UMAD1: variants seen among roughly 807,000 people sequenced by gnomAD.
The protein encoded by UMAD1 is UBAP1-MVB12-associated (UMA)-domain containing protein 1.
Under a neutral mutation model 6.1 loss-of-function variants are expected in UMAD1, and 8 were observed. The observed-to-expected ratio is 1.30, with a 90% CI of 0.76 to 2.35. UMAD1 has a LOEUF of 2.35. Ranked by LOEUF, UMAD1 falls within the 30% of genes most tolerant of loss-of-function variation. The pLI is 0.00. For synonymous variants in UMAD1, 56 were observed against 31.4 expected (o/e 1.78, Z -2.61); for missense variants, 130 against 78.4 (o/e 1.66, Z -2.49).
At chr7:7,808,341 T>G (rs1782957955) in intron 3 of UMAD1, among the ~76,000 whole-genome samples, 1 of 152,012 alleles carries the variant, frequency 6.6e-6, no homozygotes, top group Non-Finnish European at 1.5e-5. Context: ...GGCCCAGTTT[T>G]GAGTTTTTGC....
intron 2 of UMAD1, among the ~76,000 whole-genome samples, chr7:7,688,440 T>G (rs144315932): frequency 2.0e-5 from 3 of 152,182 alleles, no homozygotes; most frequent in Admixed American, 1.3e-4. Context: ...GTTTGCCTTT[T>G]CACTGATTAT....
In UMAD1 at chr7:7,656,978, T is replaced by C. The variant is rs548924142; in HGVS notation, c.-64+16157T>C. On this transcript the variant is annotated intron_variant, in intron 1 of 3. Coordinates refer to ENST00000682710, the MANE Select transcript of UMAD1 (RefSeq NM_001302348.2). ...TTCTACACATCCTCTCCAGCATCTG[T>C]TGTTTCCTGACTTTTTAATGATCAC... is the stretch of plus-strand genomic sequence containing the variant. Among the ~76,000 whole-genome samples the C allele has an allele frequency of 2.0e-5, 3 of 152,332 alleles. No individual in the cohort carries two copies. The South Asian group carries it at 6.2e-4, about 32-fold the overall frequency.
chr7:7,731,213 G>T (rs1040932835), intron 2 of UMAD1, among the ~76,000 whole-genome samples: 3 of 152,132 alleles, frequency 2.0e-5, no homozygotes, highest in African/African-American at 7.2e-5. Flanking sequence ...TGTTGGCCAG[G>T]ATGGTTTTGA....
chr7:7,646,577 C>A (rs534643332), intron 1 of UMAD1, among the ~76,000 whole-genome samples: 1 of 149,562 alleles, frequency 6.7e-6, no homozygotes, highest in African/African-American at 2.5e-5. Context: ...TCCCCAGCCA[C>A]GTGGAACTGT....
intron 1 of UMAD1, among the ~76,000 whole-genome samples, chr7:7,669,914 A>G (rs527857089): frequency 1.4e-4 from 21 of 152,306 alleles, no homozygotes; most frequent in Admixed American, 8.5e-4. Flanking sequence ...TTTGGAGCCT[A>G]AATTATCCCT....
chr7:7,825,870 C>A (rs370647814), intron 3 of UMAD1, among the ~76,000 whole-genome samples: 1 of 152,086 alleles, frequency 6.6e-6, no homozygotes, highest in African/African-American at 2.4e-5. Context: ...TCTGCAGATA[C>A]TAAAATCTGA....
At chr7:7,707,017 C>G (rs998522238) in intron 2 of UMAD1, among the ~76,000 whole-genome samples, 4 of 152,088 alleles carry the variant, frequency 2.6e-5, no homozygotes, top group Non-Finnish European at 5.9e-5. Context: ...TAGTCAGTCT[C>G]TAGAAACAGA....
At position 7,743,856 on chromosome 7, in the gene UMAD1, C is replaced by T. The variant is rs577966336; in HGVS notation, c.83-57814C>T. Among the ~76,000 whole-genome samples the T allele has an allele frequency of 1.9e-3, 284 of 151,944 alleles. 1 individual carries two copies. Among genetic ancestry groups the T allele is most frequent in the South Asian group, 6.0e-3 (29 of 4,816 alleles). On this transcript the variant is annotated intron_variant, in intron 2 of 3. Transcript: ENST00000682710. Reference sequence around the variant, plus strand: ...ATTTATGATGTTGTGAAACCATCACCACTGTCTATTTCTAAAGCTTTTCCA... The same window carrying T: ...ATTTATGATGTTGTGAAACCATCACTACTGTCTATTTCTAAAGCTTTTCCA...
intron 1 of UMAD1, among the ~76,000 whole-genome samples, chr7:7,664,674 G>C (rs1412968914): frequency 6.6e-6 from 1 of 152,080 alleles, no homozygotes; most frequent in Non-Finnish European, 1.5e-5. Context: ...TTAAACTCAA[G>C]GCTACCTAGT....
At chr7:7,776,176 T>G (rs1266929326) in intron 2 of UMAD1, among the ~76,000 whole-genome samples, 2 of 152,020 alleles carry the variant, frequency 1.3e-5, no homozygotes, top group African/African-American at 4.8e-5. Context: ...ACAAGACATA[T>G]GGAACCAGGC....
At chr7:7,836,052 T>C (rs1457548942) in intron 3 of UMAD1, among the ~76,000 whole-genome samples, 1 of 152,080 alleles carries the variant, frequency 6.6e-6, no homozygotes, top group Non-Finnish European at 1.5e-5. Context: ...TTTTATGGTC[T>C]TTATTAATAT....
intron 3 of UMAD1, among the ~76,000 whole-genome samples, chr7:7,825,152 AG>A (rs1396499004): frequency 2.0e-5 from 3 of 152,058 alleles, no homozygotes; most frequent in Non-Finnish European, 4.4e-5. Flanking sequence ...AGGTGGGCGC[AG>A]GGGGGAGTGT....
intron 2 of UMAD1, chr7:7,692,461 C>G (rs1169554911): frequency 6.6e-6 from 1 of 152,170 alleles, no homozygotes; most frequent in African/African-American, 2.4e-5. Flanking sequence ...CCACCTGCCT[C>G]TAAGCTGGTG....
At chr7:7,641,276 G>C (rs1269372337) in intron 1 of UMAD1, 1 of 152,162 alleles carries the variant, frequency 6.6e-6, no homozygotes, top group Non-Finnish European at 1.5e-5. Context: ...TAACCCCTCC[G>C]TGTTGGCAGC....
chr7:7,671,654 G>A (rs1465560592), intron 1 of UMAD1, among the ~76,000 whole-genome samples: 1 of 151,946 alleles, frequency 6.6e-6, no homozygotes, highest in African/African-American at 2.4e-5. Flanking sequence ...CCTTGTGGGG[G>A]TTTCCCTTTA....
intron 2 of UMAD1, among the ~76,000 whole-genome samples, chr7:7,783,377 G>A (rs978403376): frequency 1.3e-5 from 2 of 151,518 alleles, no homozygotes; most frequent in Non-Finnish European, 2.9e-5. Context: ...CCTATCTTTT[G>A]TAGAATAGAA....
intron 2 of UMAD1, among the ~76,000 whole-genome samples, chr7:7,675,915 C>G (rs1378258592): frequency 6.6e-6 from 1 of 152,186 alleles, no homozygotes; most frequent in Admixed American, 6.5e-5. Context: ...TCTGTTTAGC[C>G]TCATTTCCCC....
At chr7:7,761,900 C>T (rs1388172807) in intron 2 of UMAD1, among the ~76,000 whole-genome samples, 1 of 152,182 alleles carries the variant, frequency 6.6e-6, no homozygotes, top group Non-Finnish European at 1.5e-5. Context: ...TTATCCGTCT[C>T]CTTTGCAGGC....
At chr7:7,800,530 G>A (rs990865746) in intron 2 of UMAD1, among the ~76,000 whole-genome samples, 1 of 134,190 alleles carries the variant, frequency 7.5e-6, no homozygotes, top group African/African-American at 2.8e-5. Flanking sequence ...AGATTTTGGT[G>A]CACCCATCAC....
Sources: gnomAD v4.1 joint callset for allele counts (sites outside exome capture counted in the v4.1 genomes callset) on GRCh38, gnomAD v4.1.1 for gene constraint, MANE v1.5 for transcripts, NCBI Gene and HGNC (gene_info 2026-07-23, HGNC 2026-07-21) for gene names.